Variants in NLK observed in about 807,000 individuals in gnomAD.
NLK encodes the protein serine/threonine-protein kinase NLK.
In NLK, 11 loss-of-function variants were observed where a neutral mutation model predicts 59.0. The observed-to-expected ratio is 0.19, with a 90% CI of 0.12 to 0.31. NLK has a LOEUF of 0.31. Among genes scored for constraint, NLK ranks in the 10% least tolerant of loss-of-function variants. The probability of loss-of-function intolerance (pLI) is 1.00; values close to 1 mark genes in which losing one functional copy is unlikely to be tolerated. For missense variants in NLK, 410 were observed against 661.1 expected (o/e 0.62, Z 4.16); for synonymous variants, 235 against 235.9 (o/e 1.00, Z 0.03).
chr17:28,160,829 T>C (rs1019823038), intron 3 of NLK, among the ~76,000 whole-genome samples: 5 of 152,228 alleles, frequency 3.3e-5, no homozygotes, highest in Admixed American at 3.3e-4. Context: ...TCCTGTAATA[T>C]GTCTAAGTAG....
intron 1 of NLK, among the ~76,000 whole-genome samples, chr17:28,057,198 A>C (rs1053095748): frequency 6.6e-6 from 1 of 151,746 alleles, no homozygotes; most frequent in Non-Finnish European, 1.5e-5. Flanking sequence ...CAGGTGATCC[A>C]CCCGCCTCGG....
In NLK at chr17:28,168,637, G is replaced by T. The variant is rs772800202; in HGVS notation, c.1027G>T (p.Ala343Ser). The stretch of plus-strand genomic sequence containing the variant: ...ACTAGGACGAAGAATATTGTTTCAG[G>T]CACAGAGTCCCATTCAGCAGGTATG... ...ELLGRRILFQ[A>S]QSPIQQLDLI... Residue 343 changes from alanine to serine, a missense_variant, in exon 6 of 11, where the codon GCA (alanine) becomes TCA (serine). Physicochemically the swap from Ala to Ser is moderately conservative, Grantham distance 99. Coordinates refer to ENST00000407008, the MANE Select transcript of NLK (RefSeq NM_016231.5). The T allele has an allele frequency of 2.3e-5, 37 of 1,613,548 alleles. 1 individual carries two copies. In the Admixed American group the frequency reaches 6.2e-4, roughly 27 times the overall value.
intron 1 of NLK, among the ~76,000 whole-genome samples, chr17:28,055,848 AT>A: frequency 6.6e-6 from 1 of 152,194 alleles, no homozygotes; most frequent in East Asian, 1.9e-4. Flanking sequence ...TTCACTAGAG[AT>A]TTTTTTCTGA....
chr17:28,154,803 G>T (rs1396995874), intron 3 of NLK, among the ~76,000 whole-genome samples: 1 of 152,118 alleles, frequency 6.6e-6, no homozygotes, highest in Non-Finnish European at 1.5e-5. Context: ...AGATACTGAG[G>T]TGGGCAGATC....
chr17:28,152,034 TTGAATTATA>T (rs562901557), intron 3 of NLK, among the ~76,000 whole-genome samples: 94 of 152,340 alleles, frequency 6.2e-4, no homozygotes, highest in South Asian at 3.5e-3. Context: ...TCTGTGTTAG[TTGAATTATA>T]TGAAAGTGTT....
At chr17:28,122,928 A>G (rs1431537198) in intron 2 of NLK, among the ~76,000 whole-genome samples, 196 bp downstream of exon 2, 1 of 152,216 alleles carries the variant, frequency 6.6e-6, no homozygotes. Flanking sequence ...TTCAATTCAT[A>G]CATTCTTATT....
chr17:28,189,314 G>T (rs961476584), intron 8 of NLK, among the ~76,000 whole-genome samples: 1 of 152,124 alleles, frequency 6.6e-6, no homozygotes, highest in African/African-American at 2.4e-5. Flanking sequence ...ATTATTTACT[G>T]TATTTTTTGC....
At chr17:28,071,814 C>T (rs1910015944) in intron 1 of NLK, among the ~76,000 whole-genome samples, 1 of 152,194 alleles carries the variant, frequency 6.6e-6, no homozygotes, top group South Asian at 2.1e-4. Context: ...ATATCTTCAG[C>T]CAATGAAAGG....
At chr17:28,120,609 G>T (rs1906002731) in intron 1 of NLK, among the ~76,000 whole-genome samples, 2 of 152,020 alleles carry the variant, frequency 1.3e-5, no homozygotes. Flanking sequence ...GTGAGATCCT[G>T]TCTCTAAAGA....
At chr17:28,155,533 A>G (rs1054163656) in intron 3 of NLK, among the ~76,000 whole-genome samples, 5 of 152,192 alleles carry the variant, frequency 3.3e-5, no homozygotes, top group African/African-American at 9.6e-5. Flanking sequence ...AACCAACCCA[A>G]TGTCCATCAG....
chr17:28,050,323 A>G (rs1909203728), intron 1 of NLK, among the ~76,000 whole-genome samples: 1 of 152,174 alleles, frequency 6.6e-6, no homozygotes, highest in Non-Finnish European at 1.5e-5. Flanking sequence ...GAGATGCTGA[A>G]TGTGCAGTGC....
At chr17:28,202,872 T>TG in the NLK span, among the ~76,000 whole-genome samples, 5 of 151,486 alleles carry the variant, frequency 3.3e-5, no homozygotes, top group Admixed American at 1.3e-4. Context: ...TTAGTAGAGA[T>TG]GGGGTTTCGC....
chr17:28,203,852 G>A, the NLK span, among the ~76,000 whole-genome samples: 390 of 152,226 alleles, frequency 2.6e-3, 5 homozygotes, highest in African/African-American at 8.5e-3. Context: ...GATCTTTCTC[G>A]TCGCCCCAGT....
At chr17:28,084,703 T>G (rs921927476) in intron 1 of NLK, among the ~76,000 whole-genome samples, 16 of 152,060 alleles carry the variant, frequency 1.1e-4, no homozygotes, top group Non-Finnish European at 2.4e-4. Context: ...AGCTGAGATT[T>G]CAGGCACCTG....
chr17:28,119,189 T>G (rs554216348), intron 1 of NLK, among the ~76,000 whole-genome samples: 2 of 152,314 alleles, frequency 1.3e-5, no homozygotes, highest in African/African-American at 4.8e-5. Flanking sequence ...CACACTTATC[T>G]GTGTTCTGTG....
chr17:28,153,064 G>A lies in NLK; in HGVS notation c.645-8096G>A, dbSNP rs768986381. On this transcript the variant is annotated intron_variant, in intron 3 of 10. Coordinates refer to ENST00000407008, the MANE Select transcript of NLK (RefSeq NM_016231.5). ...CAAGGCGGGCAGATCACCTGAGGTC[G>A]GGAGTTCAATACCAGCCTGACCAAC... Among the ~76,000 whole-genome samples, 13 of 151,632 alleles carry A rather than the reference G, an allele frequency of 8.6e-5. No individual in the cohort carries two copies. In the South Asian group the frequency reaches 1.0e-3, roughly 12 times the overall value.
chr17:28,165,981 G>A (rs1908213044), intron 5 of NLK, among the ~76,000 whole-genome samples: 1 of 152,200 alleles, frequency 6.6e-6, no homozygotes, highest in Non-Finnish European at 1.5e-5. Context: ...CTGGGAGGCT[G>A]AGGTGGGCAG....
At chr17:28,114,635 A>G (rs771276226) in intron 1 of NLK, among the ~76,000 whole-genome samples, 3 of 152,170 alleles carry the variant, frequency 2.0e-5, no homozygotes, top group Admixed American at 6.5e-5. Flanking sequence ...CCCTGCCTTA[A>G]TATCATATTC....
intron 1 of NLK, among the ~76,000 whole-genome samples, chr17:28,060,636 A>G (rs1406032012): frequency 2.0e-5 from 3 of 152,216 alleles, no homozygotes; most frequent in East Asian, 1.9e-4. Context: ...GGCAAAAGCT[A>G]GAGAATGGGC....
Sources: gnomAD v4.1 joint callset for allele counts (sites outside exome capture counted in the v4.1 genomes callset) on GRCh38, gnomAD v4.1.1 for gene constraint, MANE v1.5 for transcripts, NCBI Gene and HGNC (gene_info 2026-07-23, HGNC 2026-07-21) for gene names.